The following STAU2 variants were observed in gnomAD, a reference collection of about 807,000 sequenced individuals.
STAU2 encodes the protein double-stranded RNA-binding protein Staufen homolog 2.
A neutral mutation model predicts 65.9 loss-of-function variants in STAU2; 20 were observed. That is an observed-to-expected ratio of 0.30 (90% confidence interval 0.21 to 0.44). STAU2 has a LOEUF of 0.44. Ranked by LOEUF, STAU2 falls within the 20% of genes least tolerant of loss-of-function variation. STAU2 has a pLI of 1.00. For synonymous variants in STAU2, 232 were observed against 233.9 expected (o/e 0.99, Z 0.07); for missense variants, 558 against 683.9 (o/e 0.82, Z 2.05).
intron 13 of STAU2, among the ~76,000 whole-genome samples, chr8:73,528,163 C>T (rs947948777): frequency 1.3e-5 from 2 of 152,148 alleles, no homozygotes; most frequent in African/African-American, 4.8e-5. Flanking sequence ...GTAACTTTGT[C>T]AACCTGAATT....
intron 11 of STAU2, among the ~76,000 whole-genome samples, chr8:73,588,323 A>C (rs1810523953): frequency 6.6e-6 from 1 of 152,230 alleles, no homozygotes; most frequent in African/African-American, 2.4e-5. Flanking sequence ...GTAAGAAGAA[A>C]GTAGATGAAA....
At chr8:73,716,801 C>T (rs1821281927) in intron 3 of STAU2, among the ~76,000 whole-genome samples, 1 of 151,940 alleles carries the variant, frequency 6.6e-6, no homozygotes, top group East Asian at 1.9e-4. Flanking sequence ...TAGACATATG[C>T]TTGGTAAAGA....
At chr8:73,611,687 T>C (rs1017982147) in intron 9 of STAU2, among the ~76,000 whole-genome samples, 14 of 150,246 alleles carry the variant, frequency 9.3e-5, no homozygotes, top group Non-Finnish European at 2.1e-4. Flanking sequence ...TTATTATTAT[T>C]ATCATTTTGA....
At chr8:73,701,819 G>A (rs115596673) in intron 4 of STAU2, among the ~76,000 whole-genome samples, 4,310 of 152,140 alleles carry the variant, frequency 0.028, 173 homozygotes, top group African/African-American at 0.094. Context: ...CTAAGATTTC[G>A]AATCAACCTA....
intron 13 of STAU2, among the ~76,000 whole-genome samples, chr8:73,536,963 C>T (rs1431487303): frequency 2.6e-5 from 4 of 152,150 alleles, no homozygotes; most frequent in Non-Finnish European, 4.4e-5. Flanking sequence ...CAGATGCCAA[C>T]AAGATGTCAC....
At chr8:73,703,578 T>A (rs1040195261) in intron 4 of STAU2, among the ~76,000 whole-genome samples, 3 of 152,124 alleles carry the variant, frequency 2.0e-5, no homozygotes, top group African/African-American at 7.2e-5. Flanking sequence ...CAGATGAATG[T>A]CCAAAAAACA....
intron 13 of STAU2, chr8:73,550,886 C>A: frequency 1.0e-6 from 1 of 987,394 alleles, no homozygotes; most frequent in Non-Finnish European, 1.2e-6. Context: ...AAAATACCCC[C>A]CAAAACACAT....
intron 3 of STAU2, among the ~76,000 whole-genome samples, chr8:73,713,556 C>T (rs1189138630): frequency 6.6e-6 from 1 of 151,998 alleles, no homozygotes; most frequent in African/African-American, 2.4e-5. Context: ...ATAAGGAAAG[C>T]AAAAATTCAC....
chr8:73,522,917 G>A (rs1284636704), intron 13 of STAU2, among the ~76,000 whole-genome samples: 2 of 152,062 alleles, frequency 1.3e-5, no homozygotes, highest in African/African-American at 2.4e-5. Flanking sequence ...AGAAGTCTGG[G>A]CCAGGTGCAG....
At chr8:73,653,772 C>A (rs886901558) in intron 6 of STAU2, 2 of 260,754 alleles carry the variant, frequency 7.7e-6, no homozygotes, top group Non-Finnish European at 7.4e-6. Context: ...CTTAGGTAAA[C>A]AGTTTTCTTC....
At chr8:73,695,096 G>C (rs1032040308) in intron 4 of STAU2, among the ~76,000 whole-genome samples, 3 of 152,134 alleles carry the variant, frequency 2.0e-5, no homozygotes, top group Non-Finnish European at 4.4e-5. Context: ...CAGTGAACTA[G>C]GATGGCACGC....
At chr8:73,732,034 G>A (rs1806107083) in intron 3 of STAU2, among the ~76,000 whole-genome samples, 1 of 152,188 alleles carries the variant, frequency 6.6e-6, no homozygotes, top group South Asian at 2.1e-4. Flanking sequence ...AGCTTAGATG[G>A]GTAGTTCTGG....
chr8:73,725,471 A>G (rs1805559032), intron 3 of STAU2, among the ~76,000 whole-genome samples: 2 of 152,320 alleles, frequency 1.3e-5, no homozygotes, highest in South Asian at 4.1e-4. Flanking sequence ...AGGCACTGTT[A>G]GTATTTTTGT....
Position 73,687,375 on chromosome 8 carries a change from AATT to A in STAU2, c.274+1276_274+1278del, listed in dbSNP as rs534603357. On this transcript the variant is annotated intron_variant, in intron 5 of 14. Transcript: ENST00000524300. ...TTTATATAATATAAATATAATTTAT[AATT>A]TATATTTATAAAAATAATATATTTA... Among the ~76,000 whole-genome samples the A allele has an allele frequency of 3.9e-3, 282 of 71,790 alleles. 3 individuals are homozygous for A. The highest frequency in any genetic ancestry group is 0.018 in the Middle Eastern group (2 of 114). 47.1% of individuals were successfully genotyped at this position (71,790 alleles called of 152,430 possible).
chr8:73,540,533 G>C (rs1806475756), intron 13 of STAU2, among the ~76,000 whole-genome samples: 3 of 152,130 alleles, frequency 2.0e-5, no homozygotes, highest in African/African-American at 7.2e-5. Flanking sequence ...CTTACATTTA[G>C]AGATTTTCCC....
chr8:73,510,393 A>C (rs1255221120), intron 13 of STAU2, among the ~76,000 whole-genome samples: 1 of 152,212 alleles, frequency 6.6e-6, no homozygotes, highest in Non-Finnish European at 1.5e-5. Flanking sequence ...CTTTACAGTA[A>C]AAAATTAATA....
At chr8:73,685,993 T>A (rs1818782364) in intron 5 of STAU2, among the ~76,000 whole-genome samples, 1 of 152,178 alleles carries the variant, frequency 6.6e-6, no homozygotes, top group African/African-American at 2.4e-5. Flanking sequence ...AATGAAATAA[T>A]GGCATTTACA....
intron 5 of STAU2, among the ~76,000 whole-genome samples, chr8:73,685,181 G>A (rs1462853465): frequency 6.6e-6 from 1 of 151,950 alleles, no homozygotes; most frequent in Non-Finnish European, 1.5e-5. Flanking sequence ...AGTTTCCTGA[G>A]GCCTCTCAAG....
At chr8:73,535,823 A>C (rs1166792590) in intron 13 of STAU2, among the ~76,000 whole-genome samples, 1 of 152,212 alleles carries the variant, frequency 6.6e-6, no homozygotes, top group Non-Finnish European at 1.5e-5. Flanking sequence ...CATCAAACTA[A>C]TACAAACTCT....
Sources: gnomAD v4.1 joint callset for allele counts (sites outside exome capture counted in the v4.1 genomes callset) on GRCh38, gnomAD v4.1.1 for gene constraint, MANE v1.5 for transcripts, NCBI Gene and HGNC (gene_info 2026-07-23, HGNC 2026-07-21) for gene names.